Variants in STIM2 observed in about 807,000 individuals in gnomAD.
STIM2 encodes the protein stromal interaction molecule 2.
STIM2 carries 31 observed loss-of-function variants against 85.8 expected under a neutral mutation model. The ratio of observed to expected loss-of-function variants is 0.36; its 90% CI spans 0.27 to 0.49. STIM2 has a LOEUF of 0.49. Among genes scored for constraint, STIM2 ranks in the 20% least tolerant of loss-of-function variants. The probability of loss-of-function intolerance (pLI) is 0.98; values close to 1 mark genes in which losing one functional copy is unlikely to be tolerated. For synonymous variants in STIM2, 356 were observed against 331.1 expected (o/e 1.08, Z -0.82); for missense variants, 841 against 927.6 (o/e 0.91, Z 1.21).
intron 3 of STIM2, among the ~76,000 whole-genome samples, chr4:26,963,941 A>C (rs1367790313): frequency 6.6e-6 from 1 of 152,228 alleles, no homozygotes; most frequent in South Asian, 2.1e-4. Flanking sequence ...GTAGTGCATA[A>C]CCATCTCATG....
chr4:26,928,302 C>G (rs576047308), intron 2 of STIM2, among the ~76,000 whole-genome samples: 2 of 152,134 alleles, frequency 1.3e-5, no homozygotes, highest in African/African-American at 4.8e-5. Context: ...TAGCACACCA[C>G]AATTACAAAA....
chr4:26,883,603 A>G (rs1723104652), intron 1 of STIM2, among the ~76,000 whole-genome samples: 1 of 152,208 alleles, frequency 6.6e-6, no homozygotes, highest in African/African-American at 2.4e-5. Context: ...TATGGTGGGC[A>G]AAGCAGTTTA....
chr4:27,014,365 TTTGA>T (rs1728662143), intron 10 of STIM2, among the ~76,000 whole-genome samples: 2 of 151,980 alleles, frequency 1.3e-5, no homozygotes, highest in Non-Finnish European at 2.9e-5. Context: ...GATATATTAA[TTTGA>T]TTATGATCAT....
At chr4:26,970,872 G>A (rs962515050) in intron 3 of STIM2, among the ~76,000 whole-genome samples, 6 of 152,122 alleles carry the variant, frequency 3.9e-5, no homozygotes, top group South Asian at 2.1e-4. Flanking sequence ...GTGTAAAAGT[G>A]TTCCTATTTC....
intron 11 of STIM2, among the ~76,000 whole-genome samples, chr4:27,019,941 A>G (rs1475308009): frequency 6.6e-6 from 1 of 152,256 alleles, no homozygotes; most frequent in Non-Finnish European, 1.5e-5. Flanking sequence ...GTTATGCAGA[A>G]GAAGCAACAC....
intron 1 of STIM2, among the ~76,000 whole-genome samples, chr4:26,892,295 A>C (rs747222568): frequency 2.6e-5 from 4 of 152,220 alleles, no homozygotes; most frequent in Non-Finnish European, 4.4e-5. Flanking sequence ...GAGGCTGAGA[A>C]ATCCAAGATC....
At chr4:26,970,403 C>T (rs763961419) in intron 3 of STIM2, among the ~76,000 whole-genome samples, 11 of 151,498 alleles carry the variant, frequency 7.3e-5, no homozygotes, top group Non-Finnish European at 1.6e-4. Context: ...TAGCCCCCTA[C>T]CCCCTCACAG....
chr4:27,018,030 G>C (rs763576689), intron 11 of STIM2, 46 bp downstream of exon 11: 1 of 1,602,540 alleles, frequency 6.2e-7, no homozygotes. Context: ...GCTGGGTTGG[G>C]GGTAAGGTGT....
At chr4:26,893,663 G>T (rs1327215153) in intron 1 of STIM2, among the ~76,000 whole-genome samples, 3 of 152,178 alleles carry the variant, frequency 2.0e-5, no homozygotes, top group Non-Finnish European at 4.4e-5. Flanking sequence ...AACCAAGGAG[G>T]TTGCTGGGTT....
intron 2 of STIM2, among the ~76,000 whole-genome samples, chr4:26,936,553 T>C (rs1725397558): frequency 1.3e-5 from 2 of 152,224 alleles, no homozygotes; most frequent in African/African-American, 4.8e-5. Flanking sequence ...AGAAACACCA[T>C]TGGTTGTATA....
chr4:26,864,919 A>T (rs1208631534), intron 1 of STIM2, among the ~76,000 whole-genome samples: 2 of 152,174 alleles, frequency 1.3e-5, no homozygotes, highest in African/African-American at 2.4e-5. Context: ...TAATGAAATC[A>T]GTTGTATTCC....
chr4:26,999,406 T>A lies in STIM2; in HGVS notation c.625+59T>A. On this transcript the variant is annotated intron_variant, in intron 5 of 11. Coordinates refer to ENST00000467087, the MANE Select transcript of STIM2 (RefSeq NM_020860.4). ...AAAGAATATCCTGATCATCTCTGTG[T>A]TATTTAAGGAAAGAGAAAAATAAGA... 4.7e-6 allele frequency: 5 copies of A among 1,059,676 alleles called. No individual in the cohort carries two copies. The South Asian group carries it at 1.0e-4, about 21-fold the overall frequency. 65.6% of individuals were successfully genotyped at this position (1,059,676 alleles called of 1,614,324 possible). A position where few individuals can be genotyped will look rare whatever the true frequency, so the allele number is the denominator to read the frequency against.
At chr4:26,942,845 T>A (rs1438581989) in intron 2 of STIM2, among the ~76,000 whole-genome samples, 1 of 152,162 alleles carries the variant, frequency 6.6e-6, no homozygotes, top group Non-Finnish European at 1.5e-5. Context: ...TTATCTTACC[T>A]AATTTCAAGG....
chr4:26,903,158 G>A (rs1448028282), intron 1 of STIM2, among the ~76,000 whole-genome samples: 1 of 151,990 alleles, frequency 6.6e-6, no homozygotes, highest in Non-Finnish European at 1.5e-5. Flanking sequence ...CATTAACACA[G>A]CCTTAGTTTA....
chr4:26,908,699 G>T (rs1489999134), intron 1 of STIM2, among the ~76,000 whole-genome samples: 1 of 152,294 alleles, frequency 6.6e-6, no homozygotes, highest in Non-Finnish European at 1.5e-5. Context: ...GGCCAGGCTG[G>T]TGTCGAACTT....
At chr4:26,862,667 A>G (rs1241452602) in intron 1 of STIM2, among the ~76,000 whole-genome samples, 1 of 152,200 alleles carries the variant, frequency 6.6e-6, no homozygotes, top group Non-Finnish European at 1.5e-5. Context: ...GCCCTATTAA[A>G]TGGAACTTGA....
intron 10 of STIM2, 66 bp from the exon 11 acceptor site, chr4:27,017,645 T>G (rs1024503185): frequency 1.3e-6 from 2 of 1,578,470 alleles, no homozygotes; most frequent in African/African-American, 2.7e-5. Flanking sequence ...TGTGTGTATG[T>G]ATTTGTGGTG....
intron 1 of STIM2, among the ~76,000 whole-genome samples, chr4:26,910,393 G>A (rs1374341271): frequency 6.6e-6 from 1 of 151,948 alleles, no homozygotes; most frequent in African/African-American, 2.4e-5. Context: ...GCGTGTTGGC[G>A]AGCGCCTGTA....
chr4:26,972,909 A>C (rs752471132), intron 3 of STIM2, among the ~76,000 whole-genome samples: 4 of 152,140 alleles, frequency 2.6e-5, no homozygotes, highest in Non-Finnish European at 5.9e-5. Context: ...TTATTGCCTC[A>C]ATTTCAGAGC....
Sources: gnomAD v4.1 joint callset for allele counts (sites outside exome capture counted in the v4.1 genomes callset) on GRCh38, gnomAD v4.1.1 for gene constraint, MANE v1.5 for transcripts, NCBI Gene and HGNC (gene_info 2026-07-23, HGNC 2026-07-21) for gene names.